Variants in CDCP2 observed in about 807,000 individuals in gnomAD.
CDCP2 encodes CUB domain-containing protein 2.
In CDCP2, 31 loss-of-function variants were observed where a neutral mutation model predicts 31.0. That is an observed-to-expected ratio of 1.00 (90% CI 0.75 to 1.35). The LOEUF (loss-of-function observed/expected upper bound fraction) is 1.35. CDCP2 is among the 40% of genes most tolerant of loss of function. The pLI is 0.00. For missense variants in CDCP2, 443 were observed against 482.6 expected, an observed-to-expected ratio of 0.92 and a Z score of 0.77; for synonymous variants, 206 against 207.9, an observed-to-expected ratio of 0.99 and a Z score of 0.08.
exon 3 of CDCP2, chr1:54,141,361 T>A: frequency 6.2e-7 from 1 of 1,614,170 alleles, no homozygotes; most frequent in Non-Finnish European, 8.5e-7. Context: ...CTCCATGCTG[T>A]TCGGGTAGTT....
At chr1:54,141,377 G>T in exon 3 of CDCP2, 1 of 1,614,016 alleles carries the variant, frequency 6.2e-7, no homozygotes, top group Non-Finnish European at 8.5e-7. Flanking sequence ...TAGTTGTTGG[G>T]ATACTCAGGA....
intron 1 of CDCP2, among the ~76,000 whole-genome samples, chr1:54,151,886 C>T (rs1659589572): frequency 6.6e-6 from 1 of 152,040 alleles, no homozygotes. Context: ...GGTATTTGAT[C>T]TGAGCTTGAA....
intron 1 of CDCP2, among the ~76,000 whole-genome samples, chr1:54,148,633 G>A (rs917990310): frequency 1.3e-5 from 2 of 151,818 alleles, no homozygotes; most frequent in South Asian, 4.1e-4. Flanking sequence ...AATTCCATGA[G>A]GACATATTTG....
exon 2 of CDCP2, chr1:54,144,569 C>G (rs1270307398): frequency 1.2e-6 from 2 of 1,613,974 alleles, no homozygotes; most frequent in Non-Finnish European, 1.7e-6. Context: ...GCGGGGGCAC[C>G]TTGCCGCAGA....
intron 5 of CDCP2, among the ~76,000 whole-genome samples, chr1:54,133,909 C>CAAACAAACAAACAAACAAAA (rs761868807): frequency 5.0e-4 from 5 of 9,904 alleles, no homozygotes; most frequent in South Asian, 9.1e-3. Flanking sequence ...AACAAACAAA[C>CAAACAAACAAACAAACAAAA]AAACAAAAAA....
chr1:54,141,267 G>T lies in CDCP2; in HGVS notation c.594C>A (p.Cys198Ter). The T allele has an allele frequency of 6.2e-7, 1 of 1,614,232 alleles. No individual in the cohort carries two copies. Among genetic ancestry groups the T allele is most frequent in the Non-Finnish European group, 8.5e-7 (1 of 1,180,034 alleles). The change falls in exon 3 of 6, where the codon TGC (cysteine) becomes TGA (stop). Residue 198 changes from cysteine (C) to a stop codon, truncating the protein, a stop_gained. Coordinates refer to ENST00000530059, the Ensembl canonical transcript of CDCP2. LOFTEE classifies it high-confidence loss of function. ...CAAGCACAGCCACGTAGTCATAGGTGCACTCTTCATTGCCCTCCACCTGGA... is the reference window on the plus strand; with the variant it reads ...CAAGCACAGCCACGTAGTCATAGGTTCACTCTTCATTGCCCTCCACCTGGA...
Position 54,141,083 on chromosome 1 carries a change from G to T in CDCP2, c.763+15C>A. 1 of 1,514,206 alleles carries T rather than the reference G, an allele frequency of 6.6e-7. No homozygotes were observed. Among genetic ancestry groups the T allele is most frequent in the Non-Finnish European group, 8.8e-7 (1 of 1,131,732 alleles). The allele number at this position is 1,514,206 out of a possible 1,614,324, so 93.8% of individuals were successfully genotyped here. ...GGCACAGGAGGATTCAGGGTGGAGC[G>T]CCAGCCCCTCCTACCTGAGAAGTAG... On this transcript the variant is annotated intron_variant, in intron 3 of 5. Transcript: ENST00000530059.
rs138864964 is a variant in CDCP2, at chr1:54,139,884, G to T, written c.986C>A (p.Ala329Glu). The change falls in exon 4 of 6, where the codon GCA becomes GAA. Residue 329 changes from alanine (A) to glutamate (E), a missense_variant. Transcript: ENST00000530059. ...TCCACACCAATTCCCCAGCAGGGGT[G>T]CCTCCTCGCTGGCCCCATCGAAGGC... 1.7e-3 allele frequency: 2,667 copies of T among 1,614,148 alleles called. 41 individuals carry two copies. In the African/African-American group the frequency reaches 0.029, roughly 17 times the overall value.
At chr1:54,146,408 G>C (rs1382261186) in intron 1 of CDCP2, among the ~76,000 whole-genome samples, 1 of 151,802 alleles carries the variant, frequency 6.6e-6, no homozygotes, top group Admixed American at 6.5e-5. Flanking sequence ...TCGAACTCCT[G>C]ACCTCAAGTT....
In CDCP2 at chr1:54,141,537, A is replaced by T. The variant is rs1317957340; in HGVS notation, c.428-104T>A. 17 of 930,498 alleles carry T rather than the reference A, an allele frequency of 1.8e-5. No homozygotes were observed. In the East Asian group the frequency reaches 4.5e-4, roughly 25 times the overall value. The allele number at this position is 930,498 out of a possible 1,614,324, so 57.6% of individuals were successfully genotyped here. A position where few individuals can be genotyped will look rare whatever the true frequency, so the allele number is the denominator to read the frequency against. On this transcript the variant is annotated intron_variant, in intron 2 of 5. Transcript: ENST00000530059. ...AACATGCTGCCCCCACAGGTATCTC[A>T]TTAGGGCCTCATTACCATCCAGCAA...
At chr1:54,144,304 G>T in intron 2 of CDCP2, 162 bp downstream of exon 2, 1 of 634,224 alleles carries the variant, frequency 1.6e-6, no homozygotes, top group Admixed American at 3.0e-5. Context: ...TCTCACCTGA[G>T]CCCTGCTGCT....
chr1:54,148,354 AAAAAAAAG>A (rs995508236), intron 1 of CDCP2, among the ~76,000 whole-genome samples: 1 of 150,378 alleles, frequency 6.6e-6, no homozygotes, highest in Non-Finnish European at 1.5e-5. Flanking sequence ...CCAACCTCTA[AAAAAAAAG>A]AAAAAAAGAA....
chr1:54,136,603 G>T, intron 5 of CDCP2, 27 bp downstream of exon 5: 1 of 399,284 alleles, frequency 2.5e-6, no homozygotes, highest in Non-Finnish European at 4.4e-6. Context: ...TCCCTCCCTT[G>T]TGACTGCCCC....
Position 54,141,344 on chromosome 1 carries a change from A to G in CDCP2, c.517T>C (p.Trp173Arg), listed in dbSNP as rs145738169. 42 of 1,614,020 alleles carry G rather than the reference A, an allele frequency of 2.6e-5. No homozygotes were observed. Among genetic ancestry groups the G allele is most frequent in the Non-Finnish European group, 3.3e-5 (39 of 1,179,996 alleles). Residue 173 changes from tryptophan to arginine, a missense_variant, in exon 3 of 6, where the codon TGG becomes CGG. Transcript: ENST00000530059. The stretch of plus-strand genomic sequence containing the variant: ...GCAGGGCCAGCGGCCCGGATCACCC[A>G]GTGGCACTCCATGCTGTTCGGGTAG...
intron 1 of CDCP2, among the ~76,000 whole-genome samples, chr1:54,147,194 A>G (rs191634977): frequency 1.4e-4 from 21 of 151,856 alleles, no homozygotes; most frequent in Admixed American, 5.2e-4. Context: ...GTGGATTGAA[A>G]CATATCACAT....
intron 1 of CDCP2, among the ~76,000 whole-genome samples, chr1:54,150,215 C>G (rs1363243467): frequency 6.6e-6 from 1 of 152,204 alleles, no homozygotes; most frequent in Admixed American, 6.5e-5. Flanking sequence ...CCTTTCTGGT[C>G]CCTTGACTGG....
At chr1:54,133,892 T>C (rs1322575829) in intron 5 of CDCP2, among the ~76,000 whole-genome samples, 2 of 25,312 alleles carry the variant, frequency 7.9e-5, no homozygotes, top group Non-Finnish European at 2.2e-4. Flanking sequence ...TGAGACTCCA[T>C]CTCAAAAACA....
chr1:54,142,669 C>A (rs903608515), intron 2 of CDCP2: 7 of 152,246 alleles, frequency 4.6e-5, no homozygotes, highest in African/African-American at 1.7e-4. Context: ...GACTTGGCGT[C>A]TTTTCCCAGT....
Position 54,133,314 on chromosome 1 carries a change from T to G in CDCP2, c.1297-20A>C. On this transcript the variant is annotated intron_variant, in intron 5 of 5. Transcript: ENST00000530059. The stretch of plus-strand genomic sequence containing the variant: ...TCTTCTCTGTGGGGTCACAGGGTAC[T>G]CATCACACCTGAAGGAGCTTGGGCT... 5.0e-6 allele frequency: 2 copies of G among 399,040 alleles called. No individual in the cohort carries two copies. Among genetic ancestry groups the G allele is most frequent in the East Asian group, 7.1e-5 (2 of 28,076 alleles). The allele number at this position is 399,040 out of a possible 1,614,324, so 24.7% of individuals were successfully genotyped here. A position where few individuals can be genotyped will look rare whatever the true frequency, so the allele number is the denominator to read the frequency against.
Sources: gnomAD v4.1 joint callset for allele counts (sites outside exome capture counted in the v4.1 genomes callset) on GRCh38, gnomAD v4.1.1 for gene constraint, MANE v1.5 for transcripts, NCBI Gene and HGNC (gene_info 2026-07-23, HGNC 2026-07-21) for gene names.